TENM4: variants seen among roughly 807,000 people sequenced by gnomAD.
The protein encoded by TENM4 is teneurin transmembrane protein 4, also known as teneurin-4.
In TENM4, 82 loss-of-function variants were observed where a neutral mutation model predicts 243.3. The observed-to-expected ratio is 0.34, with a 90% confidence interval of 0.28 to 0.40. The LOEUF (loss-of-function observed/expected upper bound fraction) is 0.40. TENM4 is among the 10% of genes least tolerant of loss of function. The probability of loss-of-function intolerance (pLI) is 1.00; values close to 1 mark genes in which losing one functional copy is unlikely to be tolerated. For synonymous variants in TENM4, 1,412 were observed against 1,456.3 expected, an observed-to-expected ratio of 0.97 and a Z score of 0.69; for missense variants, 3,138 against 3,673.3, an observed-to-expected ratio of 0.85 and a Z score of 3.77.
At chr11:78,886,183 GTAAT>G (rs1342352398) in intron 9 of TENM4, among the ~76,000 whole-genome samples, 4 of 152,122 alleles carry the variant, frequency 2.6e-5, no homozygotes, top group African/African-American at 7.2e-5. Context: ...ACTCATTACA[GTAAT>G]TAATAATTGA....
At chr11:78,915,785 G>A (rs1440493050) in intron 6 of TENM4, among the ~76,000 whole-genome samples, 2 of 152,128 alleles carry the variant, frequency 1.3e-5, no homozygotes, top group Non-Finnish European at 2.9e-5. Context: ...CCCTGCAGGA[G>A]GCTAAATACC....
At chr11:78,813,946 G>A (rs980719592) in intron 13 of TENM4, among the ~76,000 whole-genome samples, 4 of 152,140 alleles carry the variant, frequency 2.6e-5, no homozygotes, top group Non-Finnish European at 5.9e-5. Flanking sequence ...AAAGATGCAC[G>A]GCCAGGGACG....
intron 4 of TENM4, among the ~76,000 whole-genome samples, chr11:79,128,628 T>C (rs1440498187): frequency 6.6e-6 from 1 of 152,192 alleles, no homozygotes; most frequent in Non-Finnish European, 1.5e-5. Context: ...ATGATATGCA[T>C]GCACCACCTG....
At chr11:78,785,453 GT>G (rs1856916419) in intron 16 of TENM4, among the ~76,000 whole-genome samples, 1 of 152,170 alleles carries the variant, frequency 6.6e-6, no homozygotes, top group African/African-American at 2.4e-5. Context: ...GGACTTTATC[GT>G]GCAAGGGCTG....
intron 2 of TENM4, among the ~76,000 whole-genome samples, chr11:79,290,303 C>T (rs964584898): frequency 1.3e-5 from 2 of 152,176 alleles, no homozygotes; most frequent in Non-Finnish European, 1.5e-5. Flanking sequence ...TGGCATAATG[C>T]TTTCAATTTA....
chr11:79,119,468 A>G (rs1328441551), intron 4 of TENM4, among the ~76,000 whole-genome samples: 1 of 152,184 alleles, frequency 6.6e-6, no homozygotes, highest in African/African-American at 2.4e-5. Context: ...GAATGCAAGG[A>G]TAATCAAGGA....
intron 3 of TENM4, among the ~76,000 whole-genome samples, chr11:79,155,343 GTC>G (rs531007595): frequency 2.7e-5 from 4 of 150,640 alleles, no homozygotes; most frequent in Admixed American, 2.0e-4. Flanking sequence ...GCTAAAATAT[GTC>G]TCTCTCTCTC....
rs1858341885 is a variant in TENM4 at position 78,672,059 on chromosome 11, T to C, written c.5767A>G (p.Thr1923Ala). ...TTCTCTAAGTATGTGTAGCTCCATG[T>C]CTTCCCATCAGCGAAGATCCTGGAT... ...ITSRIFADGK[T>A]WSYTYLEKSM... The change falls in exon 31 of 34, where the codon ACA becomes GCA. Residue 1923 changes from threonine (T) to alanine (A), a missense_variant. Transcript: ENST00000278550. 4 of 1,613,950 alleles carry C rather than the reference T, an allele frequency of 2.5e-6. No individual in the cohort carries two copies. Among genetic ancestry groups the C allele is most frequent in the Non-Finnish European group, 2.5e-6 (3 of 1,179,870 alleles).
rs191981236 is a variant in TENM4 at position 78,800,274 on chromosome 11, A to G, written c.2179+5018T>C. The stretch of plus-strand genomic sequence containing the variant: ...GCTGAGTGTACCCACTTTATGCAAA[A>G]GTTGATGAGGCATTCAGCCCAGCAG... On this transcript the variant is annotated intron_variant, in intron 15 of 33. Coordinates refer to ENST00000278550, the MANE Select transcript of TENM4 (RefSeq NM_001098816.3). 3.9e-4 allele frequency among the ~76,000 whole-genome samples: 59 copies of G among 152,264 alleles called. 1 individual carries two copies. The highest frequency in any genetic ancestry group is 1.3e-3 in the African/African-American group (55 of 41,558).
chr11:78,948,630 CA>C (rs1490267972), intron 6 of TENM4, among the ~76,000 whole-genome samples: 1 of 152,214 alleles, frequency 6.6e-6, no homozygotes, highest in African/African-American at 2.4e-5. Context: ...CTTGGCCTCC[CA>C]AAGTGCTGGG....
At chr11:79,037,299 A>C (rs1456374695) in intron 6 of TENM4, among the ~76,000 whole-genome samples, 1 of 152,206 alleles carries the variant, frequency 6.6e-6, no homozygotes, top group South Asian at 2.1e-4. Context: ...CATCCAGCAC[A>C]GTTCTTAAAC....
chr11:78,724,678 T>C (rs1420874524), intron 23 of TENM4, among the ~76,000 whole-genome samples: 1 of 152,236 alleles, frequency 6.6e-6, no homozygotes, highest in East Asian at 1.9e-4. Context: ...ATCCCTGCTA[T>C]TTAGCTGGGC....
intron 1 of TENM4, among the ~76,000 whole-genome samples, chr11:79,297,752 C>T (rs772235808): frequency 4.6e-5 from 7 of 152,084 alleles, no homozygotes; most frequent in East Asian, 1.9e-4. Context: ...TCAAGCAGGA[C>T]GCTCGCTGAT....
At chr11:78,840,692 G>A (rs1591063390) in intron 12 of TENM4, among the ~76,000 whole-genome samples, 1 of 152,290 alleles carries the variant, frequency 6.6e-6, no homozygotes, top group Non-Finnish European at 1.5e-5. Context: ...GAGTGACAAA[G>A]CTCGCACCCT....
intron 15 of TENM4, among the ~76,000 whole-genome samples, chr11:78,790,205 T>C (rs928243227): frequency 6.6e-6 from 1 of 152,200 alleles, no homozygotes; most frequent in African/African-American, 2.4e-5. Flanking sequence ...AAATAATCTA[T>C]AGCTATGACT....
At chr11:78,687,934 G>C in intron 29 of TENM4, 120 bp downstream of exon 29, 2 of 1,202,426 alleles carry the variant, frequency 1.7e-6, no homozygotes, top group Non-Finnish European at 2.3e-6. Context: ...AATACAGAGA[G>C]TTGCAATGCT....
At chr11:79,298,431 C>T (rs1031418543) in intron 1 of TENM4, among the ~76,000 whole-genome samples, 12 of 144,336 alleles carry the variant, frequency 8.3e-5, no homozygotes, top group African/African-American at 1.3e-4. Context: ...AGGAGAATGG[C>T]GTGAACCCGG....
intron 1 of TENM4, among the ~76,000 whole-genome samples, chr11:79,382,544 C>T (rs546733321): frequency 6.6e-6 from 1 of 152,234 alleles, no homozygotes; most frequent in South Asian, 2.1e-4. Flanking sequence ...CTACTGGCAG[C>T]AATCCTGGAA....
intron 28 of TENM4, among the ~76,000 whole-genome samples, chr11:78,694,349 C>G (rs769725989): frequency 1.3e-5 from 2 of 152,166 alleles, no homozygotes; most frequent in Non-Finnish European, 2.9e-5. Flanking sequence ...TTCCCCTGGC[C>G]CATGTCACTG....
Sources: allele counts gnomAD v4.1 joint callset (sites outside exome capture counted in the v4.1 genomes callset), GRCh38; gene constraint gnomAD v4.1.1; transcripts MANE v1.5; gene names NCBI Gene and HGNC (gene_info 2026-07-23, HGNC 2026-07-21).